Variants in RBPMS observed in about 807,000 individuals in gnomAD.
RBPMS encodes RNA binding protein, mRNA processing factor.
Under a neutral mutation model 26.8 loss-of-function variants are expected in RBPMS, and 7 were observed. That is an observed-to-expected ratio of 0.26 (90% CI 0.15 to 0.49). RBPMS has a LOEUF of 0.49. RBPMS is among the 20% of genes least tolerant of loss of function. The probability of loss-of-function intolerance (pLI) is 0.98; values close to 1 mark genes in which losing one functional copy is unlikely to be tolerated. For missense variants in RBPMS, 186 were observed against 250.0 expected (o/e 0.74, Z 1.73); for synonymous variants, 96 against 93.3 (o/e 1.03, Z -0.17).
intron 6 of RBPMS, chr8:30,547,152 T>TA: frequency 1.5e-6 from 1 of 654,952 alleles, no homozygotes; most frequent in Non-Finnish European, 2.6e-6. Context: ...CTGGAGCCTC[T>TA]ACGGGGCATC....
intron 5 of RBPMS, among the ~76,000 whole-genome samples, chr8:30,538,850 G>T (rs1182850826): frequency 1.3e-5 from 2 of 152,174 alleles, no homozygotes; most frequent in African/African-American, 4.8e-5. Context: ...TCCAAAAACA[G>T]TTATGTACTG....
intron 1 of RBPMS, among the ~76,000 whole-genome samples, chr8:30,447,719 A>G (rs1461195936): frequency 6.6e-6 from 1 of 152,252 alleles, no homozygotes; most frequent in Non-Finnish European, 1.5e-5. Context: ...ATTGAAATAA[A>G]TATTTTCAGA....
chr8:30,484,636 C>A lies in RBPMS; in HGVS notation c.246+5259C>A, dbSNP rs75617609. On this transcript the variant is annotated intron_variant, in intron 4 of 8. Transcript: ENST00000397323. ...AAATATATAAGATATTAAATTATTT[C>A]TTGACTATTGAAAAATTTTGATTCA... Among the ~76,000 whole-genome samples the A allele has an allele frequency of 3.3e-5, 5 of 152,126 alleles. No individual in the cohort carries two copies. In the East Asian group the frequency reaches 9.6e-4, roughly 29 times the overall value.
intron 1 of RBPMS, among the ~76,000 whole-genome samples, chr8:30,453,137 A>G (rs910795316): frequency 1.3e-5 from 2 of 152,126 alleles, no homozygotes; most frequent in African/African-American, 4.8e-5. Context: ...CAGGGGCCCA[A>G]CCTTACTTAG....
intron 1 of RBPMS, among the ~76,000 whole-genome samples, chr8:30,433,239 T>A (rs1371032003): frequency 6.6e-6 from 1 of 152,226 alleles, no homozygotes; most frequent in African/African-American, 2.4e-5. Context: ...TAAGTTAAGA[T>A]GACTTTCCAG....
At chr8:30,495,296 TA>T (rs764442217) in intron 4 of RBPMS, among the ~76,000 whole-genome samples, 4 of 148,604 alleles carry the variant, frequency 2.7e-5, no homozygotes, top group Admixed American at 6.9e-5. Flanking sequence ...TTTTTTTTTT[TA>T]AATTCAAGGG....
At position 30,533,313 on chromosome 8, in the gene RBPMS, C is replaced by T. The variant is rs1306748648; in HGVS notation, c.398-11181C>T. 3.3e-5 allele frequency among the ~76,000 whole-genome samples: 5 copies of T among 152,324 alleles called. No individual in the cohort carries two copies. The East Asian group carries it at 9.7e-4, about 29-fold the overall frequency. The stretch of plus-strand genomic sequence containing the variant: ...TGAAAGCAAGGGAGGTGAAGGAAAG[C>T]AACTCTCAGGCAACAGCAGATGTTT... On this transcript the variant is annotated intron_variant, in intron 5 of 8. Coordinates refer to ENST00000397323, the MANE Select transcript of RBPMS (RefSeq NM_001008710.3).
intron 5 of RBPMS, among the ~76,000 whole-genome samples, chr8:30,508,947 C>G (rs1821319344): frequency 6.6e-6 from 1 of 152,144 alleles, no homozygotes; most frequent in African/African-American, 2.4e-5. Context: ...TAGACAGATC[C>G]TGTCCTTTCG....
At position 30,535,945 on chromosome 8, in the gene RBPMS, G is replaced by C. The variant is rs149404959; in HGVS notation, c.398-8549G>C. Among the ~76,000 whole-genome samples the C allele has an allele frequency of 2.0e-5, 3 of 152,242 alleles. No individual in the cohort carries two copies. In the East Asian group the frequency reaches 5.8e-4, roughly 29 times the overall value. ...TTGATGATCACACCTGTGAACAGCT[G>C]CTGCACTCCAGCCTGGGCAACATAG... On this transcript the variant is annotated intron_variant, in intron 5 of 8. Transcript: ENST00000397323.
chr8:30,464,973 A>G (rs1033238982), intron 1 of RBPMS, among the ~76,000 whole-genome samples: 6 of 152,192 alleles, frequency 3.9e-5, no homozygotes, highest in African/African-American at 1.2e-4. Context: ...ACATTTAAAA[A>G]CTTAATGTTT....
chr8:30,485,011 A>G (rs1307840494), intron 4 of RBPMS, among the ~76,000 whole-genome samples: 2 of 152,250 alleles, frequency 1.3e-5, no homozygotes, highest in Non-Finnish European at 2.9e-5. Context: ...GAAAACAAGC[A>G]AAAGCATTTG....
chr8:30,431,375 CTCTT>C (rs1450436509), intron 1 of RBPMS, among the ~76,000 whole-genome samples: 7 of 150,422 alleles, frequency 4.7e-5, no homozygotes, highest in South Asian at 2.1e-4. Flanking sequence ...TTCTTTCTCT[CTCTT>C]TCTTTCTTCT....
rs142944985 is a variant in RBPMS, at chr8:30,547,057, A to G, written c.528+2433A>G. On this transcript the variant is annotated intron_variant, in intron 6 of 8. Transcript: ENST00000397323. Reference sequence around the variant, plus strand: ...GTAGATGGGAAGCCTGTAAGAAGAGACTTGGAGGCAAAGCAAAGGGAATCA... The same window carrying G: ...GTAGATGGGAAGCCTGTAAGAAGAGGCTTGGAGGCAAAGCAAAGGGAATCA... Among the ~76,000 whole-genome samples the G allele has an allele frequency of 1.9e-4, 29 of 152,256 alleles. No homozygotes were observed. The East Asian group carries it at 5.6e-3, about 29-fold the overall frequency.
chr8:30,454,142 A>G (rs1233010122), intron 1 of RBPMS, among the ~76,000 whole-genome samples: 1 of 152,214 alleles, frequency 6.6e-6, no homozygotes, highest in African/African-American at 2.4e-5. Context: ...TTACCCCAGC[A>G]GCAGTAAAGA....
At chr8:30,393,799 A>G (rs1207058395) in intron 1 of RBPMS, among the ~76,000 whole-genome samples, 3 of 151,890 alleles carry the variant, frequency 2.0e-5, no homozygotes, top group Non-Finnish European at 1.5e-5. Context: ...GATTACAGGC[A>G]TGAGCCACCA....
intron 5 of RBPMS, among the ~76,000 whole-genome samples, chr8:30,512,020 A>G (rs964741974): frequency 5.9e-5 from 9 of 152,158 alleles, no homozygotes; most frequent in African/African-American, 1.9e-4. Flanking sequence ...TTGGTTATTC[A>G]GGGAGATAAA....
intron 1 of RBPMS, among the ~76,000 whole-genome samples, chr8:30,410,543 AATATAT>A (rs1326051188): frequency 1.3e-5 from 2 of 150,302 alleles, no homozygotes; most frequent in Non-Finnish European, 3.0e-5. Flanking sequence ...GTGACTTTAA[AATATAT>A]ATATAGGTGT....
chr8:30,550,962 A>T (rs2151067277), intron 6 of RBPMS, among the ~76,000 whole-genome samples: 1 of 152,320 alleles, frequency 6.6e-6, no homozygotes, highest in East Asian at 1.9e-4. Context: ...AAAGAATCAC[A>T]GGTCACCCAG....
intron 7 of RBPMS, among the ~76,000 whole-genome samples, 200 bp downstream of exon 7, chr8:30,559,156 A>G (rs1292019836): frequency 6.6e-6 from 1 of 152,320 alleles, no homozygotes; most frequent in East Asian, 1.9e-4. Flanking sequence ...TACGGGTGCT[A>G]GTCTATTTGA....
Sources: gnomAD v4.1 joint callset for allele counts (sites outside exome capture counted in the v4.1 genomes callset) on GRCh38, gnomAD v4.1.1 for gene constraint, MANE v1.5 for transcripts, NCBI Gene and HGNC (gene_info 2026-07-23, HGNC 2026-07-21) for gene names.